VPS13D: variants seen among roughly 807,000 people sequenced by gnomAD.
The protein encoded by VPS13D is intermembrane lipid transfer protein VPS13D.
In VPS13D, 187 loss-of-function variants were observed where a neutral mutation model predicts 461.9. The observed-to-expected ratio is 0.40, with a 90% CI of 0.36 to 0.46. The LOEUF is 0.46. Ranked by LOEUF, VPS13D falls within the 20% of genes least tolerant of loss-of-function variation. The pLI is 0.60. For synonymous variants in VPS13D, 1,951 were observed against 1,986.3 expected (o/e 0.98, Z 0.47); for missense variants, 4,711 against 5,364.9 (o/e 0.88, Z 3.81).
chr1:12,334,575 T>A (rs949320708), intron 38 of VPS13D, among the ~76,000 whole-genome samples: 1 of 152,236 alleles, frequency 6.6e-6, no homozygotes, highest in Admixed American at 6.5e-5. Context: ...CAGACCAGCC[T>A]AGGCAAAATT....
chr1:12,255,026 A>G (rs945078136), intron 7 of VPS13D, among the ~76,000 whole-genome samples: 2 of 151,102 alleles, frequency 1.3e-5, no homozygotes, highest in African/African-American at 2.4e-5. Flanking sequence ...GCTCACTGCA[A>G]CCTCCACCTC....
intron 60 of VPS13D, among the ~76,000 whole-genome samples, chr1:12,390,624 G>T (rs1644412279): frequency 6.6e-6 from 1 of 152,194 alleles, no homozygotes; most frequent in African/African-American, 2.4e-5. Context: ...GACAAACTCT[G>T]CCCTTTCCAT....
At position 12,277,868 on chromosome 1, in the gene VPS13D, A is replaced by G. The variant is rs930511185; in HGVS notation, c.4280A>G (p.Lys1427Arg). The G allele has an allele frequency of 6.2e-7, 1 of 1,614,190 alleles. No individual in the cohort carries two copies. Among genetic ancestry groups the G allele is most frequent in the Non-Finnish European group, 8.5e-7 (1 of 1,180,028 alleles). ...AGTGACCGTCTGCAGGTGGAAATCA[A>G]GGACATTAAACTGTATTCTTTGAAT... Reference protein sequence around the residue: ...SRSDRLQVEIKDIKLYSLNCT... With the variant: ...SRSDRLQVEIRDIKLYSLNCT... The change falls in exon 19 of 70, where the codon AAG becomes AGG. Residue 1427 changes from lysine to arginine, a missense_variant. This residue lies in a region of VPS13D where 4,411 missense variants were observed against 4,937.8 expected (regional missense o/e 0.89). Transcript: ENST00000620676.
intron 67 of VPS13D, among the ~76,000 whole-genome samples, chr1:12,492,641 C>A (rs1465923957): frequency 6.6e-6 from 1 of 152,176 alleles, no homozygotes; most frequent in African/African-American, 2.4e-5. Context: ...CCAGCAAATT[C>A]CCCCTAGATA....
intron 65 of VPS13D, among the ~76,000 whole-genome samples, chr1:12,426,796 C>T (rs940462529): frequency 1.3e-5 from 2 of 151,966 alleles, no homozygotes; most frequent in African/African-American, 2.4e-5. Context: ...GCGGGTGGAT[C>T]GCCTGAGGTC....
chr1:12,484,407 C>A (rs1320829404), intron 67 of VPS13D, among the ~76,000 whole-genome samples: 1 of 152,156 alleles, frequency 6.6e-6, no homozygotes, highest in African/African-American at 2.4e-5. Context: ...TTTTGGTATT[C>A]CTCAAGGATG....
At chr1:12,370,496 C>T (rs774000872) in intron 54 of VPS13D, among the ~76,000 whole-genome samples, 11 of 152,154 alleles carry the variant, frequency 7.2e-5, no homozygotes, top group Non-Finnish European at 1.2e-4. Flanking sequence ...GATTTTTATA[C>T]ATGCCTGGGG....
chr1:12,397,581 T>C (rs908860836), intron 60 of VPS13D, among the ~76,000 whole-genome samples: 2 of 152,202 alleles, frequency 1.3e-5, no homozygotes, highest in African/African-American at 4.8e-5. Context: ...TGCCCGACAC[T>C]GTACTAGGTT....
chr1:12,246,163 G>A (rs1031816410), intron 5 of VPS13D, among the ~76,000 whole-genome samples: 2 of 152,190 alleles, frequency 1.3e-5, no homozygotes, highest in African/African-American at 2.4e-5. Context: ...ATTACAAGGC[G>A]TTGGTCGCTG....
chr1:12,268,596 T>G, intron 15 of VPS13D, 110 bp from the exon 16 acceptor site: 1 of 1,267,418 alleles, frequency 7.9e-7, no homozygotes, highest in Non-Finnish European at 1.1e-6. Flanking sequence ...TGTGAACTAA[T>G]TGAAAAATAA....
At chr1:12,268,683 C>A in intron 15 of VPS13D, 23 bp from the exon 16 acceptor site, 1 of 1,608,272 alleles carries the variant, frequency 6.2e-7, no homozygotes. Flanking sequence ...GTTCCGTGTT[C>A]TTATTCCTGT....
At chr1:12,441,000 G>A (rs987170163) in intron 65 of VPS13D, among the ~76,000 whole-genome samples, 2 of 151,388 alleles carry the variant, frequency 1.3e-5, no homozygotes. Flanking sequence ...ATCTCAGCTC[G>A]CTGCAACCTC....
chr1:12,235,170 A>G (rs1640104567), intron 2 of VPS13D, among the ~76,000 whole-genome samples: 1 of 152,218 alleles, frequency 6.6e-6, no homozygotes. Flanking sequence ...GTGAAACCTC[A>G]CCTTTGTGGA....
Position 12,383,078 on chromosome 1 carries a change from A to G in VPS13D, c.11293A>G (p.Ile3765Val), listed in dbSNP as rs534339143. Residue 3765 changes from isoleucine to valine, a missense_variant, in exon 58 of 70, where the codon ATT (isoleucine) becomes GTT (valine). Physicochemically the swap from Ile to Val is conservative, Grantham distance 29. Transcript: ENST00000620676. ...LGPVPPEQQF[I>V]NQKMRPGSGM... ...GCCAGTTCCACCTGAACAACAATTTATTAATCAAAAAATGAGACCTGGTTC... is the reference window on the plus strand; with the variant it reads ...GCCAGTTCCACCTGAACAACAATTTGTTAATCAAAAAATGAGACCTGGTTC... 6.2e-7 allele frequency: 1 copy of G among 1,614,196 alleles called. No individual in the cohort carries two copies. Among genetic ancestry groups the G allele is most frequent in the East Asian group, 2.2e-5 (1 of 44,882 alleles).
intron 25 of VPS13D, among the ~76,000 whole-genome samples, chr1:12,302,359 A>G (rs1358643181): frequency 6.6e-6 from 1 of 152,158 alleles, no homozygotes; most frequent in African/African-American, 2.4e-5. Context: ...TTGTTTCTCT[A>G]TCCTTCCTAA....
intron 38 of VPS13D, among the ~76,000 whole-genome samples, chr1:12,334,142 C>G (rs1000597665): frequency 2.2e-4 from 33 of 152,198 alleles, no homozygotes; most frequent in African/African-American, 7.7e-4. Flanking sequence ...TTACGCATGT[C>G]AGAGTTGGAT....
rs1640476816 is a variant in VPS13D at position 12,244,333 on chromosome 1, T to C, written c.263T>C (p.Ile88Thr). The C allele has an allele frequency of 1.2e-6, 2 of 1,614,178 alleles. No homozygotes were observed. The highest frequency in any genetic ancestry group is 1.7e-6 in the Non-Finnish European group (2 of 1,180,028). ...WVISISSLHL[I>T]GAPEKIQDFN... ...ATCTCCATCTCCAGCCTTCACTTAA[T>C]TGGAGCCCCAGAGAAAATACAGGAT... The change falls in exon 4 of 70, where the codon ATT becomes ACT. Residue 88 changes from isoleucine (I) to threonine (T), a missense_variant. By Grantham distance (89) the Ile-to-Thr change is moderately conservative. This residue lies in a region of VPS13D where 4,411 missense variants were observed against 4,937.8 expected (regional missense o/e 0.89). Transcript: ENST00000620676.
intron 67 of VPS13D, among the ~76,000 whole-genome samples, chr1:12,494,880 C>A (rs1286982118): frequency 6.6e-6 from 1 of 152,216 alleles, no homozygotes; most frequent in Non-Finnish European, 1.5e-5. Context: ...CCAAAGCTTG[C>A]ATACTGGCCT....
At position 12,240,062 on chromosome 1, in the gene VPS13D, G is replaced by T. The variant is rs183264647; in HGVS notation, c.98-2451G>T. ...AGGAAACCTTCAGTCTTAAACTACG[G>T]CCATGCTGTTTTGCCAGATTCATTT... On this transcript the variant is annotated intron_variant, in intron 2 of 69. Transcript: ENST00000620676. Among the ~76,000 whole-genome samples the T allele has an allele frequency of 1.1e-4, 16 of 152,232 alleles. No homozygotes were observed. In the East Asian group the frequency reaches 3.1e-3, roughly 29 times the overall value.
Sources: allele counts gnomAD v4.1 joint callset (sites outside exome capture counted in the v4.1 genomes callset), GRCh38; gene constraint gnomAD v4.1.1; regional missense constraint gnomAD v4.1.1; transcripts MANE v1.5; gene names NCBI Gene and HGNC (gene_info 2026-07-23, HGNC 2026-07-21).